UNC13C: variants seen among roughly 807,000 people sequenced by gnomAD.
UNC13C encodes the protein unc-13 homolog C, also known as protein unc-13 homolog C.
A neutral mutation model predicts 245.4 loss-of-function variants in UNC13C; 174 were observed. The observed-to-expected ratio is 0.71, with a 90% CI of 0.63 to 0.80. The LOEUF is 0.80. Ranked by LOEUF, UNC13C falls within the 30% of genes least tolerant of loss-of-function variation. UNC13C has a pLI of 0.00. For missense variants in UNC13C, 2,829 were observed against 2,602.9 expected, an observed-to-expected ratio of 1.09 and a Z score of -1.89; for synonymous variants, 992 against 895.1, an observed-to-expected ratio of 1.11 and a Z score of -1.93.
chr15:53,888,175 G>T, the UNC13C span, among the ~76,000 whole-genome samples: 1 of 152,146 alleles, frequency 6.6e-6, no homozygotes, highest in Non-Finnish European at 1.5e-5. Context: ...CACCAACAGT[G>T]TAAAAGTGTT....
intron 4 of UNC13C, among the ~76,000 whole-genome samples, chr15:54,214,371 G>A (rs1220164917): frequency 6.6e-6 from 1 of 151,880 alleles, no homozygotes; most frequent in African/African-American, 2.4e-5. Flanking sequence ...TCGGTGAGAT[G>A]TGTCTTTAGT....
intron 16 of UNC13C, among the ~76,000 whole-genome samples, chr15:54,335,985 G>A (rs1349371302): frequency 6.6e-6 from 1 of 151,976 alleles, no homozygotes; most frequent in African/African-American, 2.4e-5. Flanking sequence ...TCTAGTAGAA[G>A]TGACGTTGCA....
the UNC13C span, among the ~76,000 whole-genome samples, chr15:53,897,659 A>C: frequency 6.6e-6 from 1 of 152,190 alleles, no homozygotes; most frequent in Non-Finnish European, 1.5e-5. Flanking sequence ...AGCATCATCT[A>C]TTCAGGCCTT....
intron 1 of UNC13C, among the ~76,000 whole-genome samples, chr15:53,997,085 C>A (rs1416923360): frequency 2.0e-5 from 3 of 152,092 alleles, no homozygotes; most frequent in African/African-American, 7.2e-5. Flanking sequence ...TGTAACCAGT[C>A]TTTAGAAATT....
intron 19 of UNC13C, among the ~76,000 whole-genome samples, chr15:54,444,217 C>G (rs1273465113): frequency 2.0e-5 from 3 of 151,388 alleles, no homozygotes; most frequent in African/African-American, 7.3e-5. Context: ...TATGACTTCT[C>G]CTGCTCAATT....
At chr15:53,916,394 CT>C in the UNC13C span, among the ~76,000 whole-genome samples, 1 of 152,246 alleles carries the variant, frequency 6.6e-6, no homozygotes, top group African/African-American at 2.4e-5. Flanking sequence ...ACTGAAATAT[CT>C]TTACTCTTAA....
chr15:54,034,415 C>G (rs1326299035), intron 2 of UNC13C, among the ~76,000 whole-genome samples: 2 of 152,126 alleles, frequency 1.3e-5, no homozygotes, highest in African/African-American at 4.8e-5. Context: ...TATCTTACAC[C>G]TCTGTAATTT....
intron 4 of UNC13C, among the ~76,000 whole-genome samples, chr15:54,182,354 T>G (rs1047067814): frequency 6.6e-6 from 1 of 152,122 alleles, no homozygotes; most frequent in Non-Finnish European, 1.5e-5. Context: ...ATGTGTATGT[T>G]GAACCAACCT....
At chr15:54,410,984 A>C (rs890826476) in intron 18 of UNC13C, among the ~76,000 whole-genome samples, 1 of 152,072 alleles carries the variant, frequency 6.6e-6, no homozygotes, top group Non-Finnish European at 1.5e-5. Flanking sequence ...GCATGCTTGC[A>C]TGTTTGCTAG....
chr15:54,524,165 A>T (rs922916112), intron 24 of UNC13C, among the ~76,000 whole-genome samples: 3 of 150,826 alleles, frequency 2.0e-5, no homozygotes, highest in African/African-American at 7.5e-5. Context: ...GCTGAATAGA[A>T]CTCTAGAAAG....
At chr15:54,306,029 G>T (rs542473879) in intron 13 of UNC13C, among the ~76,000 whole-genome samples, 1 of 152,062 alleles carries the variant, frequency 6.6e-6, no homozygotes, top group South Asian at 2.1e-4. Flanking sequence ...TATGTTTTAA[G>T]TCAGAATCTG....
chr15:54,472,819 CT>C (rs1892531262), intron 19 of UNC13C, among the ~76,000 whole-genome samples: 1 of 151,768 alleles, frequency 6.6e-6, no homozygotes, highest in Non-Finnish European at 1.5e-5. Flanking sequence ...GCTTTCAAGG[CT>C]CTCTTTTTGT....
chr15:54,612,727 A>G (rs1189790843), intron 30 of UNC13C, among the ~76,000 whole-genome samples: 2 of 151,992 alleles, frequency 1.3e-5, no homozygotes, highest in Non-Finnish European at 2.9e-5. Flanking sequence ...CGAAGTGGAT[A>G]TTTTTGAAAA....
intron 1 of UNC13C, among the ~76,000 whole-genome samples, chr15:53,992,100 C>A (rs148156236): frequency 6.6e-6 from 1 of 152,146 alleles, no homozygotes; most frequent in South Asian, 2.1e-4. Flanking sequence ...GAATTACTCT[C>A]GTTTTGTGTT....
chr15:54,480,371 T>C (rs1893035900), intron 19 of UNC13C, among the ~76,000 whole-genome samples: 3 of 151,298 alleles, frequency 2.0e-5, no homozygotes, highest in Admixed American at 2.0e-4. Context: ...TGTCACTTTA[T>C]AATGTTTCAT....
chr15:54,516,036 A>G (rs1387302880), intron 24 of UNC13C, among the ~76,000 whole-genome samples: 2 of 152,180 alleles, frequency 1.3e-5, no homozygotes, highest in Non-Finnish European at 2.9e-5. Flanking sequence ...ATGTATATCT[A>G]TGTCGCTTTT....
intron 19 of UNC13C, among the ~76,000 whole-genome samples, chr15:54,430,081 T>G (rs2040841879): frequency 6.6e-6 from 1 of 151,630 alleles, no homozygotes; most frequent in Admixed American, 6.6e-5. Context: ...ACATTCAGCA[T>G]TTTTTTAATT....
At chr15:54,595,743 A>G (rs1005040846) in intron 30 of UNC13C, among the ~76,000 whole-genome samples, 7 of 152,244 alleles carry the variant, frequency 4.6e-5, no homozygotes, top group Non-Finnish European at 7.3e-5. Context: ...ATGCAATTGC[A>G]TGAAAGTTTC....
intron 13 of UNC13C, chr15:54,321,231 T>C: frequency 2.0e-6 from 1 of 490,806 alleles, no homozygotes; most frequent in South Asian, 1.5e-5. Flanking sequence ...CATCAAAGGT[T>C]ACACAAGCAA....
Sources: gnomAD v4.1 joint callset for allele counts (sites outside exome capture counted in the v4.1 genomes callset) on GRCh38, gnomAD v4.1.1 for gene constraint, MANE v1.5 for transcripts, NCBI Gene and HGNC (gene_info 2026-07-23, HGNC 2026-07-21) for gene names.